CDH13: variants seen among roughly 807,000 people sequenced by gnomAD.
CDH13 encodes cadherin-13.
Under a neutral mutation model 63.8 loss-of-function variants are expected in CDH13, and 24 were observed. That is an observed-to-expected ratio of 0.38 (90% CI 0.27 to 0.53). CDH13 has a LOEUF of 0.53. CDH13 is among the 20% of genes least tolerant of loss of function. The pLI, the probability that CDH13 is intolerant of heterozygous loss-of-function variation, is 0.85. For synonymous variants in CDH13, 503 were observed against 355.3 expected (o/e 1.42, Z -4.67); for missense variants, 1,049 against 903.1 (o/e 1.16, Z -2.07).
At chr16:83,706,103 C>T (rs1388825372) in intron 10 of CDH13, among the ~76,000 whole-genome samples, 2 of 152,136 alleles carry the variant, frequency 1.3e-5, no homozygotes, top group African/African-American at 4.8e-5. Context: ...AGCTGGAATC[C>T]CCAAGGCCTG....
intron 6 of CDH13, among the ~76,000 whole-genome samples, chr16:83,465,079 C>A (rs574227320): frequency 3.9e-5 from 6 of 152,270 alleles, no homozygotes; most frequent in African/African-American, 1.4e-4. Flanking sequence ...TGACAGAAGG[C>A]GGCAGACAAA....
intron 8 of CDH13, among the ~76,000 whole-genome samples, chr16:83,649,808 C>A (rs1229781710): frequency 6.6e-6 from 1 of 152,124 alleles, no homozygotes; most frequent in Admixed American, 6.5e-5. Context: ...GGTCTAGAGC[C>A]CACTTTGCAG....
intron 4 of CDH13, among the ~76,000 whole-genome samples, chr16:83,173,466 A>G (rs8054149): frequency 0.47 from 71,374 of 151,748 alleles, 19,435 homozygotes; most frequent in African/African-American, 0.75. Context: ...TTATTAAGGC[A>G]AGATCTCTTG....
intron 7 of CDH13, among the ~76,000 whole-genome samples, chr16:83,598,467 A>T (rs1023395341): frequency 1.3e-5 from 2 of 152,240 alleles, no homozygotes; most frequent in African/African-American, 4.8e-5. Flanking sequence ...CGATGTATTC[A>T]TAAAATGATA....
intron 1 of CDH13, among the ~76,000 whole-genome samples, chr16:82,797,649 A>G (rs1270674320): frequency 2.6e-5 from 4 of 151,950 alleles, no homozygotes; most frequent in Non-Finnish European, 4.4e-5. Context: ...CCTGTTTAGG[A>G]AAAAAAAATT....
chr16:83,525,425 A>G (rs1348430099), intron 7 of CDH13, among the ~76,000 whole-genome samples: 20 of 150,562 alleles, frequency 1.3e-4, no homozygotes, highest in Admixed American at 1.3e-3. Context: ...TGGAATTTGT[A>G]AACAGGTTTC....
At chr16:83,190,540 A>T (rs2038666078) in intron 4 of CDH13, among the ~76,000 whole-genome samples, 1 of 152,184 alleles carries the variant, frequency 6.6e-6, no homozygotes, top group Non-Finnish European at 1.5e-5. Flanking sequence ...CTAGGTACAT[A>T]TGATGGCAAA....
chr16:83,328,536 G>A (rs2090418486), intron 5 of CDH13, among the ~76,000 whole-genome samples: 1 of 152,204 alleles, frequency 6.6e-6, no homozygotes, highest in Non-Finnish European at 1.5e-5. Context: ...GGAAACCTGT[G>A]TGGTGAATAG....
intron 8 of CDH13, among the ~76,000 whole-genome samples, chr16:83,667,021 GGAT>G (rs1914031696): frequency 2.0e-5 from 1 of 49,292 alleles, no homozygotes; most frequent in South Asian, 5.3e-4. Flanking sequence ...ATGGATGGAT[GGAT>G]GGATGGGTGG....
chr16:83,585,049 T>C (rs1906015327), intron 7 of CDH13, among the ~76,000 whole-genome samples: 2 of 151,996 alleles, frequency 1.3e-5, no homozygotes, highest in Non-Finnish European at 2.9e-5. Context: ...CAATTCAACA[T>C]GAGATTTGGT....
chr16:83,131,142 C>T (rs1476179338), intron 4 of CDH13, among the ~76,000 whole-genome samples: 1 of 149,182 alleles, frequency 6.7e-6, no homozygotes, highest in Admixed American at 6.7e-5. Flanking sequence ...ATCACTGCTA[C>T]TCACTTAGAT....
intron 5 of CDH13, among the ~76,000 whole-genome samples, chr16:83,244,103 C>T (rs1048661544): frequency 6.6e-6 from 1 of 151,912 alleles, no homozygotes; most frequent in Non-Finnish European, 1.5e-5. Flanking sequence ...GGTGAAGGTG[C>T]AGTGACCCCT....
rs71402074 is a variant in CDH13, at chr16:83,434,847, A to G, written c.782-51630A>G. The stretch of plus-strand genomic sequence containing the variant: ...CTGCACCTATTTAAAATATATATAT[A>G]TGTGTGTGCGTGTGTGTGTGTGTGT... On this transcript the variant is annotated intron_variant, in intron 6 of 13. Coordinates refer to ENST00000567109, the MANE Select transcript of CDH13 (RefSeq NM_001257.5). 5.1e-3 allele frequency among the ~76,000 whole-genome samples: 416 copies of G among 81,520 alleles called. 3 individuals are homozygous for G. Among genetic ancestry groups the G allele is most frequent in the African/African-American group, 6.4e-3 (171 of 26,552 alleles). The allele number at this position is 81,520 out of a possible 152,430, so 53.5% of individuals were successfully genotyped here. A position where few individuals can be genotyped will look rare whatever the true frequency, so the allele number is the denominator to read the frequency against.
At chr16:83,376,670 T>C (rs1693261546) in intron 6 of CDH13, among the ~76,000 whole-genome samples, 1 of 152,070 alleles carries the variant, frequency 6.6e-6, no homozygotes, top group Admixed American at 6.5e-5. Context: ...GCATGAGACA[T>C]GCATACTCTA....
At chr16:82,948,912 G>C (rs573443985) in intron 2 of CDH13, among the ~76,000 whole-genome samples, 1 of 152,100 alleles carries the variant, frequency 6.6e-6, no homozygotes, top group African/African-American at 2.4e-5. Context: ...ACTTACTTTC[G>C]TGATATATAT....
At chr16:83,719,597 C>G (rs1909410114) in intron 10 of CDH13, among the ~76,000 whole-genome samples, 1 of 152,200 alleles carries the variant, frequency 6.6e-6, no homozygotes, top group South Asian at 2.1e-4. Context: ...CCGAGCGCTT[C>G]CTGCATACCA....
chr16:82,796,191 C>G (rs1236315028), intron 1 of CDH13, among the ~76,000 whole-genome samples: 4 of 152,066 alleles, frequency 2.6e-5, no homozygotes, highest in Non-Finnish European at 4.4e-5. Flanking sequence ...AATTGCAAAG[C>G]TGGGTGAACT....
At chr16:83,246,347 G>T (rs1008728640) in intron 5 of CDH13, among the ~76,000 whole-genome samples, 1 of 152,058 alleles carries the variant, frequency 6.6e-6, no homozygotes, top group Non-Finnish European at 1.5e-5. Flanking sequence ...GTCTGTGATT[G>T]TTTTCTTCCC....
intron 2 of CDH13, among the ~76,000 whole-genome samples, chr16:82,976,229 A>G (rs1909484951): frequency 6.6e-6 from 1 of 152,170 alleles, no homozygotes; most frequent in Non-Finnish European, 1.5e-5. Flanking sequence ...GGGCTTTTGA[A>G]GGGCTGGGGC....
Sources: allele counts gnomAD v4.1 joint callset (sites outside exome capture counted in the v4.1 genomes callset), GRCh38; gene constraint gnomAD v4.1.1; transcripts MANE v1.5; gene names NCBI Gene and HGNC (gene_info 2026-07-23, HGNC 2026-07-21).